The following PHF21B variants were observed in gnomAD, a reference collection of about 807,000 sequenced individuals.
PHF21B encodes the protein PHD finger protein 21B.
A neutral mutation model predicts 62.2 loss-of-function variants in PHF21B; 22 were observed. The observed-to-expected ratio is 0.35, with a 90% CI of 0.25 to 0.51. The LOEUF (loss-of-function observed/expected upper bound fraction) is 0.51, where lower values mean the gene tolerates loss of function less well. Ranked by LOEUF, PHF21B falls within the 20% of genes least tolerant of loss-of-function variation. The pLI is 0.97. For missense variants in PHF21B, 701 were observed against 707.9 expected (o/e 0.99, Z 0.11); for synonymous variants, 341 against 314.7 (o/e 1.08, Z -0.88).
chr22:44,929,635 A>G (rs949284703), intron 2 of PHF21B, among the ~76,000 whole-genome samples: 36 of 152,214 alleles, frequency 2.4e-4, no homozygotes, highest in African/African-American at 8.0e-4. Flanking sequence ...CCAAAGAAAG[A>G]GGGCAAGAAC....
At chr22:44,947,450 C>G (rs572042695) in intron 2 of PHF21B, among the ~76,000 whole-genome samples, 1 of 152,356 alleles carries the variant, frequency 6.6e-6, no homozygotes, top group South Asian at 2.1e-4. Context: ...GGCCCAGCCC[C>G]CTGCCCTATA....
At chr22:44,987,350 G>A (rs1005368) in intron 2 of PHF21B, among the ~76,000 whole-genome samples, 120,508 of 152,048 alleles carry the variant, frequency 0.79, 48,008 homozygotes, top group East Asian at 0.9. Flanking sequence ...CAATGTTTCT[G>A]AAGCCAGCAG....
At chr22:44,894,646 C>T (rs2071025468) in intron 6 of PHF21B, among the ~76,000 whole-genome samples, 1 of 152,192 alleles carries the variant, frequency 6.6e-6, no homozygotes, top group South Asian at 2.1e-4. Flanking sequence ...TGCCTTCCAA[C>T]CATGCACGCA....
intron 8 of PHF21B, among the ~76,000 whole-genome samples, chr22:44,890,718 G>A (rs959741267): frequency 2.6e-5 from 4 of 152,386 alleles, no homozygotes; most frequent in East Asian, 1.9e-4. Context: ...ACTGGGGCAC[G>A]GCTGGCAGAG....
chr22:44,929,416 G>T (rs139647535), intron 2 of PHF21B, among the ~76,000 whole-genome samples: 86 of 152,342 alleles, frequency 5.6e-4, no homozygotes, highest in African/African-American at 2.0e-3. Context: ...GGACCAGCAA[G>T]GGCCACGGCG....
chr22:44,960,377 G>A (rs561419523), intron 2 of PHF21B, among the ~76,000 whole-genome samples: 61 of 152,214 alleles, frequency 4.0e-4, no homozygotes, highest in African/African-American at 1.3e-3. Flanking sequence ...ACTGCAGTCC[G>A]GCAGCACCAG....
intron 2 of PHF21B, among the ~76,000 whole-genome samples, chr22:44,933,879 C>T (rs1161826286): frequency 6.6e-6 from 1 of 152,160 alleles, no homozygotes; most frequent in African/African-American, 2.4e-5. Context: ...ATTTACACAA[C>T]CACAGGGAAG....
intron 2 of PHF21B, among the ~76,000 whole-genome samples, chr22:45,006,247 A>C (rs899655002): frequency 6.6e-6 from 1 of 152,224 alleles, no homozygotes; most frequent in Non-Finnish European, 1.5e-5. Context: ...TCGCAGTTAA[A>C]AACACAAGTT....
At chr22:44,995,630 AAC>A (rs2073107270) in intron 2 of PHF21B, among the ~76,000 whole-genome samples, 1 of 152,120 alleles carries the variant, frequency 6.6e-6, no homozygotes, top group Admixed American at 6.5e-5. Flanking sequence ...GGGAATCACC[AAC>A]ACAGACTCTT....
At chr22:44,995,039 C>T (rs535381208) in intron 2 of PHF21B, among the ~76,000 whole-genome samples, 1 of 152,322 alleles carries the variant, frequency 6.6e-6, no homozygotes, top group African/African-American at 2.4e-5. Context: ...GCTGTGTTTG[C>T]CTTTTTCATC....
At chr22:44,977,142 C>T (rs751550094) in intron 2 of PHF21B, among the ~76,000 whole-genome samples, 17 of 152,104 alleles carry the variant, frequency 1.1e-4, no homozygotes, top group African/African-American at 2.7e-4. Context: ...AAGAAAAAAA[C>T]GAAGAAAGGA....
At chr22:44,979,339 C>T (rs2072795103) in intron 2 of PHF21B, among the ~76,000 whole-genome samples, 1 of 152,210 alleles carries the variant, frequency 6.6e-6, no homozygotes, top group Non-Finnish European at 1.5e-5. Flanking sequence ...GAAAGAGCAG[C>T]CAACACTCCA....
At chr22:44,886,717 C>A (rs1443083018) in intron 10 of PHF21B, among the ~76,000 whole-genome samples, 1 of 152,110 alleles carries the variant, frequency 6.6e-6, no homozygotes, top group Non-Finnish European at 1.5e-5. Flanking sequence ...AACCCCCGAC[C>A]CAGGCAGTCA....
intron 2 of PHF21B, among the ~76,000 whole-genome samples, chr22:44,972,033 G>C (rs908506828): frequency 1.3e-5 from 2 of 152,246 alleles, no homozygotes; most frequent in African/African-American, 4.8e-5. Flanking sequence ...ACCCATACCG[G>C]CTGCACTGAA....
intron 2 of PHF21B, among the ~76,000 whole-genome samples, chr22:44,993,999 C>T (rs192423560): frequency 2.0e-5 from 3 of 152,314 alleles, no homozygotes; most frequent in Admixed American, 6.5e-5. Flanking sequence ...GCCATCCCAC[C>T]GCTTAGGATG....
At chr22:44,909,865 A>G (rs2071315529) in intron 5 of PHF21B, among the ~76,000 whole-genome samples, 1 of 152,206 alleles carries the variant, frequency 6.6e-6, no homozygotes, top group African/African-American at 2.4e-5. Flanking sequence ...CCAGGAGGAA[A>G]CAGCTCTCTC....
At chr22:45,008,372 C>T (rs911457834) in intron 2 of PHF21B, 173 bp downstream of exon 2, 6 of 562,674 alleles carry the variant, frequency 1.1e-5, no homozygotes, top group East Asian at 3.6e-5. Flanking sequence ...CCTCCGAGAA[C>T]CCGGCTCTTT....
chr22:44,976,127 C>T (rs1191527802), intron 2 of PHF21B, among the ~76,000 whole-genome samples: 1 of 152,174 alleles, frequency 6.6e-6, no homozygotes, highest in African/African-American at 2.4e-5. Flanking sequence ...GTCATGATTG[C>T]GCCACTGCAC....
Position 44,891,492 on chromosome 22 carries a change from C to T in PHF21B, c.961-132G>A. On this transcript the variant is annotated intron_variant, in intron 7 of 12. Transcript: ENST00000313237. Reference sequence around the variant, plus strand: ...GGCTCCAGGCTCTGGCTGGACACCCCCTGCCAGGGGCAGAAATAGGAACAA... The same window carrying T: ...GGCTCCAGGCTCTGGCTGGACACCCTCTGCCAGGGGCAGAAATAGGAACAA... 2.9e-6 allele frequency: 3 copies of T among 1,043,148 alleles called. No homozygotes were observed. The South Asian group carries it at 4.4e-5, about 15-fold the overall frequency. 64.6% of individuals were successfully genotyped at this position (1,043,148 alleles called of 1,614,324 possible). A position where few individuals can be genotyped will look rare whatever the true frequency, so the allele number is the denominator to read the frequency against.
Sources: gnomAD v4.1 joint callset for allele counts (sites outside exome capture counted in the v4.1 genomes callset) on GRCh38, gnomAD v4.1.1 for gene constraint, MANE v1.5 for transcripts, NCBI Gene and HGNC (gene_info 2026-07-23, HGNC 2026-07-21) for gene names.